MCU: variants seen among roughly 807,000 people sequenced by gnomAD.
MCU encodes the protein calcium uniporter protein, mitochondrial.
MCU carries 12 observed loss-of-function variants against 45.2 expected under a neutral mutation model. The observed-to-expected ratio is 0.27, with a 90% CI of 0.17 to 0.43. The LOEUF (loss-of-function observed/expected upper bound fraction) is 0.43, where lower values mean the gene tolerates loss of function less well. Ranked by LOEUF, MCU falls within the 20% of genes least tolerant of loss-of-function variation. The pLI, the probability that MCU is intolerant of heterozygous loss-of-function variation, is 1.00. For missense variants in MCU, 324 were observed against 436.7 expected, an observed-to-expected ratio of 0.74 and a Z score of 2.30; for synonymous variants, 160 against 165.1, an observed-to-expected ratio of 0.97 and a Z score of 0.24.
chr10:72,818,310 G>C (rs1360128846), intron 1 of MCU, among the ~76,000 whole-genome samples: 1 of 152,212 alleles, frequency 6.6e-6, no homozygotes, highest in African/African-American at 2.4e-5. Flanking sequence ...AATTTTCACA[G>C]TGTTTTGCTA....
chr10:72,823,194 T>G (rs916203505), intron 1 of MCU, among the ~76,000 whole-genome samples: 1 of 152,164 alleles, frequency 6.6e-6, no homozygotes, highest in African/African-American at 2.4e-5. Context: ...AAAAAGGAAT[T>G]AAGTACCAAT....
At chr10:72,828,967 T>C (rs893153943) in intron 1 of MCU, among the ~76,000 whole-genome samples, 1 of 152,174 alleles carries the variant, frequency 6.6e-6, no homozygotes, top group African/African-American at 2.4e-5. Context: ...AAGAATAAAC[T>C]TGCTGTTTCT....
chr10:72,734,911 A>T (rs905600322), intron 1 of MCU, among the ~76,000 whole-genome samples: 1 of 151,846 alleles, frequency 6.6e-6, no homozygotes, highest in African/African-American at 2.4e-5. Context: ...CCCCGTCTCT[A>T]CGAATAATTT....
chr10:72,859,435 T>C lies in MCU; in HGVS notation c.391+88T>C, dbSNP rs1467600838. The C allele has an allele frequency of 3.9e-6, 5 of 1,273,212 alleles. No individual in the cohort carries two copies. In the African/African-American group the frequency reaches 6.0e-5, roughly 15 times the overall value. 78.9% of individuals were successfully genotyped at this position (1,273,212 alleles called of 1,614,324 possible). On this transcript the variant is annotated intron_variant, in intron 3 of 7. Transcript: ENST00000373053. ...CACATACATACACCACACACGTAGC[T>C]ACAAAAGAACCCTATACTGTTAACT...
intron 6 of MCU, among the ~76,000 whole-genome samples, chr10:72,874,787 T>C (rs897400285): frequency 6.6e-6 from 1 of 152,214 alleles, no homozygotes; most frequent in African/African-American, 2.4e-5. Context: ...TTTCCAGTTA[T>C]ACCTTGAATC....
chr10:72,773,813 A>G (rs902582383), intron 1 of MCU, among the ~76,000 whole-genome samples: 6 of 152,232 alleles, frequency 3.9e-5, no homozygotes, highest in African/African-American at 1.4e-4. Context: ...GCCAAGAGGG[A>G]GTATAATGAC....
At chr10:72,852,434 T>C (rs934707076) in intron 2 of MCU, among the ~76,000 whole-genome samples, 1 of 152,216 alleles carries the variant, frequency 6.6e-6, no homozygotes, top group Non-Finnish European at 1.5e-5. Context: ...ATTCAAATCG[T>C]ACATCCATGA....
chr10:72,866,866 T>C (rs79849127), intron 4 of MCU, among the ~76,000 whole-genome samples: 3,519 of 151,976 alleles, frequency 0.023, 127 homozygotes, highest in African/African-American at 0.081. Flanking sequence ...ACTGTGACGT[T>C]CTGAACAAGT....
At chr10:72,864,177 C>A (rs1257664275) in intron 4 of MCU, among the ~76,000 whole-genome samples, 1 of 152,148 alleles carries the variant, frequency 6.6e-6, no homozygotes, top group Non-Finnish European at 1.5e-5. Flanking sequence ...ACATACCACA[C>A]AGTTTTAAAA....
chr10:72,707,319 C>G (rs1161451851), intron 1 of MCU, among the ~76,000 whole-genome samples: 1 of 151,428 alleles, frequency 6.6e-6, no homozygotes, highest in Non-Finnish European at 1.5e-5. Flanking sequence ...CTGCCTCAGC[C>G]TCCCGAGTAG....
intron 1 of MCU, among the ~76,000 whole-genome samples, chr10:72,711,852 C>T (rs1589427539): frequency 1.3e-5 from 2 of 151,332 alleles, no homozygotes; most frequent in South Asian, 2.1e-4. Context: ...GCTGGGACTA[C>T]AGGCGCCCAC....
chr10:72,804,060 ATATATATATATAT>A (rs1844387981), intron 1 of MCU, among the ~76,000 whole-genome samples: 29 of 84,050 alleles, frequency 3.5e-4, no homozygotes, highest in South Asian at 1.4e-3. Context: ...ATATATATAT[ATATATATATATAT>A]AAAATAAGAG....
intron 1 of MCU, among the ~76,000 whole-genome samples, chr10:72,709,982 T>C (rs1386719308): frequency 6.6e-6 from 1 of 152,168 alleles, no homozygotes; most frequent in Non-Finnish European, 1.5e-5. Context: ...CTTTCTGTTT[T>C]GTTTTGTTTT....
At chr10:72,776,692 A>G (rs1843899298) in intron 1 of MCU, among the ~76,000 whole-genome samples, 1 of 152,208 alleles carries the variant, frequency 6.6e-6, no homozygotes, top group African/African-American at 2.4e-5. Flanking sequence ...ACTGTTATTC[A>G]GCATAATACT....
intron 1 of MCU, among the ~76,000 whole-genome samples, chr10:72,806,641 G>A (rs1365504644): frequency 6.6e-6 from 1 of 152,056 alleles, no homozygotes; most frequent in Non-Finnish European, 1.5e-5. Flanking sequence ...GAAGAGGGTG[G>A]GAACAATAAA....
chr10:72,834,295 C>A, intron 1 of MCU, 64 bp from the exon 2 acceptor site: 2 of 1,164,868 alleles, frequency 1.7e-6, no homozygotes, highest in South Asian at 1.3e-5. Context: ...TTATTATATA[C>A]ACACACATAA....
At chr10:72,758,476 C>T (rs1329083327) in intron 1 of MCU, among the ~76,000 whole-genome samples, 1 of 152,138 alleles carries the variant, frequency 6.6e-6, no homozygotes, top group Non-Finnish European at 1.5e-5. Flanking sequence ...TGTAAAATCT[C>T]AGAGAATTGA....
chr10:72,868,755 C>T lies in MCU; in HGVS notation c.549C>T (p.Val183=). The T allele has an allele frequency of 6.2e-7, 1 of 1,614,072 alleles. No homozygotes were observed. The highest frequency in any genetic ancestry group is 2.2e-5 in the East Asian group (1 of 44,872). Reference sequence around the variant, plus strand: ...CGCTGAATGATGTAAAGACATTGGTCCAGCAACTATACACCACACTGTGCA... The same window carrying T: ...CGCTGAATGATGTAAAGACATTGGTTCAGCAACTATACACCACACTGTGCA... ...AATLNDVKTL[V]QQLYTTLCIE... Residue 183 remains valine, a synonymous_variant, in exon 5 of 8, where the codon GTC becomes GTT. Transcript: ENST00000373053.
chr10:72,866,525 T>G (rs926355387), intron 4 of MCU, among the ~76,000 whole-genome samples: 1 of 152,150 alleles, frequency 6.6e-6, no homozygotes, highest in Non-Finnish European at 1.5e-5. Context: ...GCCTCCCCAG[T>G]AGCTGGGATT....
Sources: gnomAD v4.1 joint callset for allele counts (sites outside exome capture counted in the v4.1 genomes callset) on GRCh38, gnomAD v4.1.1 for gene constraint, MANE v1.5 for transcripts, NCBI Gene and HGNC (gene_info 2026-07-23, HGNC 2026-07-21) for gene names.